Variants in TMEM232 observed in about 807,000 individuals in gnomAD.
TMEM232 encodes transmembrane protein 232.
TMEM232 carries 80 observed loss-of-function variants against 78.8 expected under a neutral mutation model. The observed-to-expected ratio is 1.01, with a 90% CI of 0.85 to 1.22. The LOEUF (loss-of-function observed/expected upper bound fraction) is 1.22, where lower values mean the gene tolerates loss of function less well. Among genes scored for constraint, TMEM232 ranks in the 50% most tolerant of loss-of-function variants. The pLI, the probability that TMEM232 is intolerant of heterozygous loss-of-function variation, is 0.00. For missense variants in TMEM232, 881 were observed against 742.2 expected (o/e 1.19, Z -2.17); for synonymous variants, 297 against 254.3 (o/e 1.17, Z -1.60).
At chr5:110,587,687 A>ATGTGTG (rs1409871900) in intron 10 of TMEM232, among the ~76,000 whole-genome samples, 12 of 78,206 alleles carry the variant, frequency 1.5e-4, no homozygotes, top group East Asian at 1.3e-3. Context: ...ATATATATAT[A>ATGTGTG]TATATGTGTG....
At chr5:110,584,810 C>T (rs904690946) in intron 10 of TMEM232, among the ~76,000 whole-genome samples, 42 of 151,940 alleles carry the variant, frequency 2.8e-4, no homozygotes, top group Admixed American at 1.1e-3. Context: ...AAGCACTTAG[C>T]GAGTTATTTT....
At chr5:110,558,803 C>G (rs1456127544) in intron 11 of TMEM232, among the ~76,000 whole-genome samples, 1 of 152,174 alleles carries the variant, frequency 6.6e-6, no homozygotes, top group African/African-American at 2.4e-5. Context: ...CTCAAATGTC[C>G]GTGGGGATTA....
chr5:110,565,453 A>C (rs1348890945), intron 11 of TMEM232, among the ~76,000 whole-genome samples: 2 of 151,928 alleles, frequency 1.3e-5, no homozygotes, highest in African/African-American at 2.4e-5. Flanking sequence ...TGTGCTCTCA[A>C]AATCACTCAG....
Position 110,615,743 on chromosome 5 carries a change from T to C in TMEM232, c.902+2686A>G, listed in dbSNP as rs141795036. ...TTATATATAGAAAACCCTAAAATGTTTATAAAAGCTAACCAAAAGACTGTT... is the reference window on the plus strand; with the variant it reads ...TTATATATAGAAAACCCTAAAATGTCTATAAAAGCTAACCAAAAGACTGTT... On this transcript the variant is annotated intron_variant, in intron 8 of 13. Coordinates refer to ENST00000455884, the MANE Select transcript of TMEM232 (RefSeq NM_001039763.4). Among the ~76,000 whole-genome samples, 1,475 of 152,010 alleles carry C rather than the reference T, an allele frequency of 9.7e-3. 33 individuals carry two copies. The highest frequency in any genetic ancestry group is 0.033 in the African/African-American group (1,377 of 41,500).
At chr5:110,615,032 A>G (rs1298631025) in intron 8 of TMEM232, among the ~76,000 whole-genome samples, 1 of 151,938 alleles carries the variant, frequency 6.6e-6, no homozygotes, top group Non-Finnish European at 1.5e-5. Context: ...ATCTTTGTCA[A>G]ACTGCAATAC....
intron 12 of TMEM232, among the ~76,000 whole-genome samples, chr5:110,428,453 A>C (rs1467236170): frequency 6.6e-6 from 1 of 151,740 alleles, no homozygotes; most frequent in Non-Finnish European, 1.5e-5. Context: ...ACCTGGAGCC[A>C]TCTCTTTGAA....
At chr5:110,485,850 A>G (rs767346452) in intron 12 of TMEM232, among the ~76,000 whole-genome samples, 1 of 152,090 alleles carries the variant, frequency 6.6e-6, no homozygotes, top group Non-Finnish European at 1.5e-5. Flanking sequence ...AGATTGTTGG[A>G]TCAAATGGTA....
chr5:110,627,313 C>G (rs979003087), intron 6 of TMEM232, among the ~76,000 whole-genome samples: 4 of 151,736 alleles, frequency 2.6e-5, no homozygotes, highest in African/African-American at 9.7e-5. Flanking sequence ...AATAAGAAAA[C>G]TGAGTCACAA....
downstream of TMEM232, among the ~76,000 whole-genome samples, chr5:110,414,505 T>C (rs1300152308): frequency 6.6e-6 from 1 of 152,226 alleles, no homozygotes; most frequent in Non-Finnish European, 1.5e-5. Context: ...TTTAATTTTA[T>C]ACCACATTTT....
chr5:110,570,263 G>C (rs1329402283), intron 10 of TMEM232, among the ~76,000 whole-genome samples: 1 of 151,850 alleles, frequency 6.6e-6, no homozygotes, highest in Non-Finnish European at 1.5e-5. Context: ...TATAAAACAA[G>C]TTTTTTGAAT....
chr5:110,506,256 T>G (rs1002229116), intron 12 of TMEM232, among the ~76,000 whole-genome samples: 9 of 152,218 alleles, frequency 5.9e-5, no homozygotes, highest in African/African-American at 2.2e-4. Flanking sequence ...TTTGTGTGTT[T>G]TGTTTTAGGG....
intron 1 of TMEM232, among the ~76,000 whole-genome samples, chr5:110,708,596 G>GAA (rs1312095132): frequency 4.3e-4 from 49 of 113,848 alleles, no homozygotes; most frequent in African/African-American, 1.6e-3. Context: ...GTTAAAAAGA[G>GAA]TTTTTATTAG....
At chr5:110,534,812 G>T (rs1772074565) in intron 11 of TMEM232, among the ~76,000 whole-genome samples, 1 of 152,080 alleles carries the variant, frequency 6.6e-6, no homozygotes, top group African/African-American at 2.4e-5. Flanking sequence ...CCAATTCTTA[G>T]ACCTTTTATA....
intron 12 of TMEM232, among the ~76,000 whole-genome samples, chr5:110,463,810 A>G (rs574555070): frequency 6.6e-6 from 1 of 152,196 alleles, no homozygotes; most frequent in South Asian, 2.1e-4. Flanking sequence ...CCTCCATTGC[A>G]TCTCACCTGC....
At chr5:110,427,380 C>G (rs1027973044) in intron 12 of TMEM232, among the ~76,000 whole-genome samples, 2 of 151,806 alleles carry the variant, frequency 1.3e-5, no homozygotes, top group African/African-American at 4.8e-5. Flanking sequence ...CAAAAGAATT[C>G]AGAGGAAAAA....
At chr5:110,574,203 T>A (rs1223662778) in intron 10 of TMEM232, among the ~76,000 whole-genome samples, 1 of 152,116 alleles carries the variant, frequency 6.6e-6, no homozygotes, top group African/African-American at 2.4e-5. Flanking sequence ...CCTATATGTC[T>A]GCTACTTTGT....
chr5:110,405,564 G>C (rs1221830109), intron 2 of TMEM232, among the ~76,000 whole-genome samples: 1 of 151,270 alleles, frequency 6.6e-6, no homozygotes, highest in Non-Finnish European at 1.5e-5. Flanking sequence ...TTGTGGGAGA[G>C]AATTGGAAGT....
At chr5:110,692,127 T>C (rs947402318) in intron 1 of TMEM232, among the ~76,000 whole-genome samples, 47 of 152,114 alleles carry the variant, frequency 3.1e-4, no homozygotes, top group Admixed American at 3.0e-3. Context: ...TTCACCCTGT[T>C]AGCCAGGATG....
At chr5:110,603,903 T>C in intron 10 of TMEM232, among the ~76,000 whole-genome samples, 1 of 152,250 alleles carries the variant, frequency 6.6e-6, no homozygotes, top group Non-Finnish European at 1.5e-5. Flanking sequence ...TCTAAAGTCT[T>C]ACTATTTAAA....
Sources: gnomAD v4.1 joint callset for allele counts (sites outside exome capture counted in the v4.1 genomes callset) on GRCh38, gnomAD v4.1.1 for gene constraint, MANE v1.5 for transcripts, NCBI Gene and HGNC (gene_info 2026-07-23, HGNC 2026-07-21) for gene names.